Variants in KCTD8 observed in about 807,000 individuals in gnomAD.
The protein encoded by KCTD8 is BTB/POZ domain-containing protein KCTD8.
In KCTD8, 27 loss-of-function variants were observed where a neutral mutation model predicts 31.5. The ratio of observed to expected loss-of-function variants is 0.86; its 90% CI spans 0.63 to 1.18. KCTD8 has a LOEUF of 1.18. Ranked by LOEUF, KCTD8 falls within the 50% of genes most tolerant of loss-of-function variation. KCTD8 has a pLI of 0.00. For synonymous variants in KCTD8, 290 were observed against 280.0 expected, an observed-to-expected ratio of 1.04 and a Z score of -0.36; for missense variants, 658 against 647.7, an observed-to-expected ratio of 1.02 and a Z score of -0.17.
At chr4:44,184,389 A>G (rs1291955483) in intron 1 of KCTD8, among the ~76,000 whole-genome samples, 1 of 152,230 alleles carries the variant, frequency 6.6e-6, no homozygotes, top group Non-Finnish European at 1.5e-5. Context: ...TATAATTTCC[A>G]TTAGCATTAC....
At chr4:44,270,444 T>G (rs1479321926) in intron 1 of KCTD8, among the ~76,000 whole-genome samples, 4 of 149,596 alleles carry the variant, frequency 2.7e-5, no homozygotes, top group Middle Eastern at 3.4e-3. Context: ...TAATGCTAAA[T>G]GATGAGTTAA....
chr4:44,403,424 C>T (rs1375473712), intron 1 of KCTD8, among the ~76,000 whole-genome samples: 1 of 37,714 alleles, frequency 2.7e-5, no homozygotes, highest in Admixed American at 4.4e-4. Context: ...CTAGGGCTAC[C>T]ATTAAAAAAA....
chr4:44,262,868 A>T (rs1716222887), intron 1 of KCTD8, among the ~76,000 whole-genome samples: 1 of 152,142 alleles, frequency 6.6e-6, no homozygotes, highest in Non-Finnish European at 1.5e-5. Context: ...AATATTCTGT[A>T]CTCTCAAGGG....
rs113220111 is a variant in KCTD8, at chr4:44,218,663, G to A, written c.962-43413C>T. On this transcript the variant is annotated intron_variant, in intron 1 of 1. Transcript: ENST00000360029. ...AAGAAAAAAAAATTAAAAATGTGGC[G>A]TTCCAAAATATCCATGTTTGGTTAC... Among the ~76,000 whole-genome samples, 1,369 of 150,906 alleles carry A rather than the reference G, an allele frequency of 9.1e-3. 18 individuals are homozygous for A. Among genetic ancestry groups the A allele is most frequent in the African/African-American group, 0.031 (1,275 of 41,156 alleles).
intron 1 of KCTD8, among the ~76,000 whole-genome samples, chr4:44,299,428 C>A (rs576824053): frequency 6.6e-6 from 1 of 152,208 alleles, no homozygotes; most frequent in Non-Finnish European, 1.5e-5. Context: ...TTTCTTTCTT[C>A]TTGCATAAAA....
intron 1 of KCTD8, among the ~76,000 whole-genome samples, chr4:44,413,690 T>C: frequency 6.6e-6 from 1 of 152,104 alleles, no homozygotes; most frequent in Non-Finnish European, 1.5e-5. Context: ...AATACCTAGA[T>C]GGTTGTAGTA....
At chr4:44,187,815 C>T (rs1343542118) in intron 1 of KCTD8, among the ~76,000 whole-genome samples, 1 of 152,054 alleles carries the variant, frequency 6.6e-6, no homozygotes, top group African/African-American at 2.4e-5. Context: ...CTTATGAGGG[C>T]TGTGTATAAC....
At chr4:44,286,784 G>A (rs953256652) in intron 1 of KCTD8, among the ~76,000 whole-genome samples, 1 of 152,084 alleles carries the variant, frequency 6.6e-6, no homozygotes, top group Non-Finnish European at 1.5e-5. Flanking sequence ...GGATGGTTTA[G>A]GGGTAAGGGT....
At chr4:44,268,138 T>A (rs1430863946) in intron 1 of KCTD8, among the ~76,000 whole-genome samples, 6 of 151,994 alleles carry the variant, frequency 3.9e-5, no homozygotes, top group Non-Finnish European at 2.9e-5. Flanking sequence ...GATGCAAAAA[T>A]CCTCAATAAA....
chr4:44,181,158 T>C (rs1412762616), intron 1 of KCTD8, among the ~76,000 whole-genome samples: 4 of 150,994 alleles, frequency 2.6e-5, no homozygotes, highest in African/African-American at 9.8e-5. Flanking sequence ...CCTCTCCCTC[T>C]CCCTCTCCCT....
intron 1 of KCTD8, among the ~76,000 whole-genome samples, chr4:44,289,507 G>A (rs1247722068): frequency 1.3e-5 from 2 of 152,130 alleles, no homozygotes; most frequent in Non-Finnish European, 2.9e-5. Context: ...TGAGGGTAAA[G>A]AGAAAGGAAG....
chr4:44,325,896 T>C (rs1233692785), intron 1 of KCTD8, among the ~76,000 whole-genome samples: 1 of 151,970 alleles, frequency 6.6e-6, no homozygotes, highest in Non-Finnish European at 1.5e-5. Flanking sequence ...TGTGCAGATA[T>C]AAGATATGCT....
At chr4:44,253,685 T>C (rs891064569) in intron 1 of KCTD8, among the ~76,000 whole-genome samples, 3 of 151,850 alleles carry the variant, frequency 2.0e-5, no homozygotes, top group Non-Finnish European at 4.4e-5. Context: ...CAAATGTCCA[T>C]GTGGCTTTTT....
At chr4:44,183,398 A>G (rs993782045) in intron 1 of KCTD8, among the ~76,000 whole-genome samples, 2 of 152,052 alleles carry the variant, frequency 1.3e-5, no homozygotes, top group Non-Finnish European at 2.9e-5. Flanking sequence ...GGTATAAGCT[A>G]TCAAAAATGT....
intron 1 of KCTD8, among the ~76,000 whole-genome samples, chr4:44,348,108 A>G (rs1287782667): frequency 6.6e-6 from 1 of 152,214 alleles, no homozygotes; most frequent in African/African-American, 2.4e-5. Flanking sequence ...TAGAAGGACA[A>G]GGTAAAGACC....
chr4:44,302,433 C>A (rs537040914), intron 1 of KCTD8, among the ~76,000 whole-genome samples: 5 of 152,122 alleles, frequency 3.3e-5, no homozygotes, highest in African/African-American at 1.2e-4. Context: ...AGGTCCTTCA[C>A]GTCCCTTTTA....
chr4:44,175,901 T>C (rs949872878), intron 1 of KCTD8, among the ~76,000 whole-genome samples: 2 of 152,200 alleles, frequency 1.3e-5, no homozygotes, highest in African/African-American at 2.4e-5. Context: ...GAAAATATAG[T>C]TGAAATATGG....
chr4:44,365,762 T>C (rs1719615921), intron 1 of KCTD8, among the ~76,000 whole-genome samples: 1 of 152,126 alleles, frequency 6.6e-6, no homozygotes, highest in Admixed American at 6.5e-5. Flanking sequence ...AGCAATCTCA[T>C]CTAGAAATTT....
At chr4:44,232,569 A>T (rs1715153901) in intron 1 of KCTD8, among the ~76,000 whole-genome samples, 1 of 152,166 alleles carries the variant, frequency 6.6e-6, no homozygotes, top group Non-Finnish European at 1.5e-5. Flanking sequence ...TTTATCCTTG[A>T]TTACAGAAAA....
Sources: gnomAD v4.1 joint callset for allele counts (sites outside exome capture counted in the v4.1 genomes callset) on GRCh38, gnomAD v4.1.1 for gene constraint, MANE v1.5 for transcripts, NCBI Gene and HGNC (gene_info 2026-07-23, HGNC 2026-07-21) for gene names.